Variants in DOCK7 observed in about 807,000 individuals in gnomAD.
The protein encoded by DOCK7 is dedicator of cytokinesis protein 7.
In DOCK7, 138 loss-of-function variants were observed where a neutral mutation model predicts 271.0. That is an observed-to-expected ratio of 0.51 (90% confidence interval 0.44 to 0.59). The LOEUF (loss-of-function observed/expected upper bound fraction) is 0.59, where lower values mean the gene tolerates loss of function less well. Ranked by LOEUF, DOCK7 falls within the 20% of genes least tolerant of loss-of-function variation. The pLI is 0.00. For synonymous variants in DOCK7, 823 were observed against 876.1 expected (o/e 0.94, Z 1.07); for missense variants, 2,066 against 2,592.4 (o/e 0.80, Z 4.41).
At chr1:62,678,856 C>A (rs1164990190) in intron 1 of DOCK7, among the ~76,000 whole-genome samples, 1 of 152,032 alleles carries the variant, frequency 6.6e-6, no homozygotes, top group Non-Finnish European at 1.5e-5. Flanking sequence ...ATATCATCTA[C>A]AACAGATAAT....
chr1:62,539,441 T>A (rs1225459615), intron 27 of DOCK7, 104 bp downstream of exon 27: 2 of 925,028 alleles, frequency 2.2e-6, no homozygotes, highest in Non-Finnish European at 3.2e-6. Context: ...TGTTTTAACA[T>A]CAGTATATAA....
chr1:62,505,629 A>AT, intron 36 of DOCK7, 53 bp downstream of exon 36: 1 of 1,556,026 alleles, frequency 6.4e-7, no homozygotes, highest in Non-Finnish European at 8.7e-7. Context: ...ATCTTAGACA[A>AT]TGTTAATAAA....
chr1:62,485,703 G>C, intron 43 of DOCK7: 1 of 984,218 alleles, frequency 1.0e-6, no homozygotes, highest in African/African-American at 1.7e-5. Context: ...CAGCAACCAG[G>C]GACAAGAGAG....
At chr1:62,624,459 TAGAG>T (rs1653680722) in intron 12 of DOCK7, among the ~76,000 whole-genome samples, 1 of 152,212 alleles carries the variant, frequency 6.6e-6, no homozygotes, top group Non-Finnish European at 1.5e-5. Context: ...ATATCTTTGA[TAGAG>T]AATGTCTTGG....
At chr1:62,591,684 TTAC>T (rs1163398048) in intron 14 of DOCK7, among the ~76,000 whole-genome samples, 1 of 152,146 alleles carries the variant, frequency 6.6e-6, no homozygotes, top group African/African-American at 2.4e-5. Flanking sequence ...CACATTTGGA[TTAC>T]TACTATCTTT....
chr1:62,663,166 A>G (rs944483985), intron 1 of DOCK7, 36 bp from the exon 2 acceptor site: 52 of 963,630 alleles, frequency 5.4e-5, no homozygotes, highest in Non-Finnish European at 6.9e-5. Context: ...CGCATTATTG[A>G]AAAAAAAAAA....
chr1:62,546,516 C>A (rs532853424), intron 22 of DOCK7, among the ~76,000 whole-genome samples: 2 of 152,200 alleles, frequency 1.3e-5, no homozygotes, highest in Admixed American at 1.3e-4. Context: ...TACTTAATTT[C>A]TTTTTCAGTT....
intron 34 of DOCK7, among the ~76,000 whole-genome samples, chr1:62,509,332 A>C (rs941559227): frequency 6.7e-6 from 1 of 149,050 alleles, no homozygotes; most frequent in Non-Finnish European, 1.5e-5. Context: ...AAAAAAAAAG[A>C]ATACAATTAT....
At chr1:62,481,227 C>G (rs1300227841) in intron 43 of DOCK7, among the ~76,000 whole-genome samples, 2 of 151,970 alleles carry the variant, frequency 1.3e-5, no homozygotes, top group African/African-American at 4.8e-5. Flanking sequence ...GTGGTTGGAG[C>G]AGAGTAAGCA....
At chr1:62,658,885 A>T (rs1658334361) in intron 2 of DOCK7, among the ~76,000 whole-genome samples, 1 of 151,816 alleles carries the variant, frequency 6.6e-6, no homozygotes. Context: ...CCTGGGAGGC[A>T]GAGGTTGCAG....
chr1:62,603,636 T>G (rs1440448010), intron 14 of DOCK7, among the ~76,000 whole-genome samples: 2 of 151,752 alleles, frequency 1.3e-5, no homozygotes, highest in Non-Finnish European at 3.0e-5. Flanking sequence ...AGTTTATCCA[T>G]ATAAAGACTT....
chr1:62,656,803 G>C (rs912071380), intron 2 of DOCK7, among the ~76,000 whole-genome samples: 1 of 151,746 alleles, frequency 6.6e-6, no homozygotes, highest in Non-Finnish European at 1.5e-5. Flanking sequence ...TGGGAGGGCC[G>C]GGGGGTGGGG....
At chr1:62,588,695 T>C (rs1647932529) in intron 14 of DOCK7, among the ~76,000 whole-genome samples, 1 of 152,134 alleles carries the variant, frequency 6.6e-6, no homozygotes, top group South Asian at 2.1e-4. Flanking sequence ...ATGAAATTAG[T>C]AGACGATGAT....
At chr1:62,582,504 C>G (rs1647163567) in intron 16 of DOCK7, among the ~76,000 whole-genome samples, 1 of 136,794 alleles carries the variant, frequency 7.3e-6, no homozygotes, top group African/African-American at 2.9e-5. Flanking sequence ...AAGCCGAGAT[C>G]CCGCCACTGC....
intron 14 of DOCK7, chr1:62,605,865 T>C (rs1571742055): frequency 6.6e-6 from 1 of 152,042 alleles, no homozygotes; most frequent in South Asian, 2.1e-4. Context: ...AAAGATTAGA[T>C]ACAAATTTTT....
rs1644616897 is a variant in DOCK7, at chr1:62,514,982, C to T, written c.3937-1084G>A. Among the ~76,000 whole-genome samples the T allele has an allele frequency of 2.0e-5, 3 of 152,086 alleles. No individual in the cohort carries two copies. In the South Asian group the frequency reaches 6.2e-4, roughly 32 times the overall value. On this transcript the variant is annotated intron_variant, in intron 31 of 49. Transcript: ENST00000635253. ...AGAGGAAAGACATAGGAAAGCTGAA[C>T]ATACACAACTGTTGAAGTCATGATC... is the stretch of plus-strand genomic sequence containing the variant.
intron 1 of DOCK7, among the ~76,000 whole-genome samples, chr1:62,686,693 CTAT>C (rs1557911653): frequency 6.6e-6 from 1 of 152,120 alleles, no homozygotes; most frequent in African/African-American, 2.4e-5. Flanking sequence ...GAGCTGGGTC[CTAT>C]TATTATTCTC....
chr1:62,662,126 A>T (rs985712141), intron 2 of DOCK7, among the ~76,000 whole-genome samples: 1 of 152,210 alleles, frequency 6.6e-6, no homozygotes, highest in African/African-American at 2.4e-5. Flanking sequence ...AAATGCTAAT[A>T]TATAACTCCA....
chr1:62,622,219 G>A (rs1378814247), intron 12 of DOCK7, among the ~76,000 whole-genome samples: 1 of 152,168 alleles, frequency 6.6e-6, no homozygotes, highest in African/African-American at 2.4e-5. Context: ...GTAGAAGTCA[G>A]CCTATATTAG....
Sources: allele counts gnomAD v4.1 joint callset (sites outside exome capture counted in the v4.1 genomes callset), GRCh38; gene constraint gnomAD v4.1.1; transcripts MANE v1.5; gene names NCBI Gene and HGNC (gene_info 2026-07-23, HGNC 2026-07-21).